Variants in MARCHF1 observed in about 807,000 individuals in gnomAD.
MARCHF1 encodes the protein membrane associated ring-CH-type finger 1, also known as E3 ubiquitin-protein ligase MARCHF1.
In MARCHF1, 40 loss-of-function variants were observed where a neutral mutation model predicts 54.2. The observed-to-expected ratio is 0.74, with a 90% CI of 0.57 to 0.96. MARCHF1 has a LOEUF of 0.96. Among genes scored for constraint, MARCHF1 ranks in the 40% least tolerant of loss-of-function variants. MARCHF1 has a pLI of 0.00. For missense variants in MARCHF1, 586 were observed against 656.5 expected (o/e 0.89, Z 1.17); for synonymous variants, 236 against 236.3 (o/e 1.00, Z 0.01).
chr4:163,835,766 A>AT (rs1290865997), intron 4 of MARCHF1, among the ~76,000 whole-genome samples: 1 of 152,232 alleles, frequency 6.6e-6, no homozygotes, highest in Non-Finnish European at 1.5e-5. Context: ...TCATATATAG[A>AT]TTTTGGCTAT....
chr4:163,742,798 G>A (rs1746247312), intron 4 of MARCHF1, among the ~76,000 whole-genome samples: 1 of 152,084 alleles, frequency 6.6e-6, no homozygotes, highest in African/African-American at 2.4e-5. Context: ...AATCTAAGAT[G>A]GGAGATCTAA....
At chr4:163,654,004 A>G (rs1054556853) in intron 5 of MARCHF1, among the ~76,000 whole-genome samples, 1 of 151,810 alleles carries the variant, frequency 6.6e-6, no homozygotes, top group African/African-American at 2.4e-5. Context: ...TAGAGTTCAG[A>G]AAGGTAAAGA....
intron 1 of MARCHF1, among the ~76,000 whole-genome samples, chr4:164,326,925 A>G (rs1337748816): frequency 6.7e-6 from 1 of 149,038 alleles, no homozygotes; most frequent in Non-Finnish European, 1.5e-5. Context: ...GGGGTTAATA[A>G]TAGTACCTAC....
intron 2 of MARCHF1, among the ~76,000 whole-genome samples, chr4:164,028,766 T>C (rs569033381): frequency 1.3e-5 from 2 of 152,306 alleles, no homozygotes; most frequent in East Asian, 1.9e-4. Context: ...TCCTTAGTTA[T>C]ACTGGCTACA....
intron 2 of MARCHF1, among the ~76,000 whole-genome samples, chr4:164,030,801 G>C (rs945094192): frequency 6.6e-6 from 1 of 152,068 alleles, no homozygotes; most frequent in Non-Finnish European, 1.5e-5. Context: ...AGTATATTTT[G>C]GGGAGGAAAT....
intron 2 of MARCHF1, among the ~76,000 whole-genome samples, chr4:164,035,930 T>TAAAAAAAAAAAAAAAA (rs35474146): frequency 3.4e-5 from 4 of 116,634 alleles, no homozygotes; most frequent in African/African-American, 9.8e-5. Context: ...AAACTAAAAC[T>TAAAAAAAAAAAAAAAA]AAAAAAAAAA....
intron 3 of MARCHF1, among the ~76,000 whole-genome samples, chr4:163,952,945 A>C: frequency 6.6e-6 from 1 of 152,222 alleles, no homozygotes. Flanking sequence ...ATCCATTTTC[A>C]TCAGGCTAGA....
chr4:163,678,002 G>A lies in MARCHF1; in HGVS notation c.162+22811C>T, dbSNP rs575052365. On this transcript the variant is annotated intron_variant, in intron 5 of 9. Coordinates refer to ENST00000514618, the MANE Select transcript of MARCHF1 (RefSeq NM_001394959.1). ...ATTCATATGAAAAATTCCAAGAATGGTGCCTAGAATTTAGCAGATAAATTG... is the reference window on the plus strand; with the variant it reads ...ATTCATATGAAAAATTCCAAGAATGATGCCTAGAATTTAGCAGATAAATTG... Among the ~76,000 whole-genome samples the A allele has an allele frequency of 1.3e-4, 20 of 152,276 alleles. 1 individual carries two copies. In the South Asian group the frequency reaches 3.7e-3, roughly 28 times the overall value.
intron 1 of MARCHF1, among the ~76,000 whole-genome samples, chr4:164,227,450 C>T (rs1329784618): frequency 6.6e-6 from 1 of 151,960 alleles, no homozygotes; most frequent in African/African-American, 2.4e-5. Context: ...TATCAAAGGC[C>T]ATGACATTAA....
At chr4:164,342,515 A>C (rs1255105814) in intron 1 of MARCHF1, among the ~76,000 whole-genome samples, 2 of 148,360 alleles carry the variant, frequency 1.3e-5, no homozygotes, top group Non-Finnish European at 3.0e-5. Flanking sequence ...CCTAAAACTT[A>C]AAGTATAATA....
At chr4:164,028,190 C>T (rs1753808514) in intron 2 of MARCHF1, among the ~76,000 whole-genome samples, 1 of 152,076 alleles carries the variant, frequency 6.6e-6, no homozygotes, top group Non-Finnish European at 1.5e-5. Context: ...TAAAACAGAG[C>T]TACAATTTGA....
intron 2 of MARCHF1, among the ~76,000 whole-genome samples, chr4:164,098,909 G>C (rs979471188): frequency 6.6e-6 from 1 of 152,110 alleles, no homozygotes; most frequent in African/African-American, 2.4e-5. Context: ...CCATGTAAGT[G>C]GTCCAATTTT....
chr4:164,262,107 GAAAAA>G (rs1184867700), intron 1 of MARCHF1, among the ~76,000 whole-genome samples: 7 of 72,294 alleles, frequency 9.7e-5, no homozygotes, highest in East Asian at 4.9e-4. Context: ...CCTATCTTAA[GAAAAA>G]AAAAAAAAAA....
At chr4:164,181,447 T>A (rs190612918) in intron 1 of MARCHF1, among the ~76,000 whole-genome samples, 1 of 152,308 alleles carries the variant, frequency 6.6e-6, no homozygotes, top group Non-Finnish European at 1.5e-5. Context: ...ATATTAACTA[T>A]GTTCAAGAAC....
intron 2 of MARCHF1, among the ~76,000 whole-genome samples, chr4:164,059,309 C>A (rs1754563587): frequency 6.6e-6 from 1 of 152,136 alleles, no homozygotes; most frequent in South Asian, 2.1e-4. Flanking sequence ...GTTTGCTTCA[C>A]CAAGAGCGTT....
chr4:164,213,643 A>T (rs1056090751), intron 1 of MARCHF1, among the ~76,000 whole-genome samples: 4 of 152,134 alleles, frequency 2.6e-5, no homozygotes, highest in Admixed American at 6.5e-5. Context: ...CAATATTTTT[A>T]AAAAATTAAA....
At chr4:163,720,786 A>G (rs1745426468) in intron 4 of MARCHF1, among the ~76,000 whole-genome samples, 1 of 152,162 alleles carries the variant, frequency 6.6e-6, no homozygotes, top group Non-Finnish European at 1.5e-5. Context: ...TTCTCTTTGA[A>G]GCAATTGTGA....
intron 1 of MARCHF1, among the ~76,000 whole-genome samples, chr4:164,223,874 AT>A (rs1218522372): frequency 6.6e-6 from 1 of 151,080 alleles, no homozygotes; most frequent in South Asian, 2.1e-4. Context: ...AGCTTTGAAA[AT>A]TCTTCTAAAA....
chr4:164,049,854 T>C (rs1410362937), intron 2 of MARCHF1, among the ~76,000 whole-genome samples: 2 of 152,336 alleles, frequency 1.3e-5, no homozygotes, highest in East Asian at 1.9e-4. Flanking sequence ...ATTTATAGTA[T>C]GATAAAAACT....
Sources: allele counts gnomAD v4.1 joint callset (sites outside exome capture counted in the v4.1 genomes callset), GRCh38; gene constraint gnomAD v4.1.1; transcripts MANE v1.5; gene names NCBI Gene and HGNC (gene_info 2026-07-23, HGNC 2026-07-21).